CNTNAP2: variants seen among roughly 807,000 people sequenced by gnomAD.
CNTNAP2 encodes contactin-associated protein-like 2.
In CNTNAP2, 98 loss-of-function variants were observed where a neutral mutation model predicts 155.2. That is an observed-to-expected ratio of 0.63 (90% CI 0.54 to 0.75). The LOEUF (loss-of-function observed/expected upper bound fraction) is 0.75, where lower values mean the gene tolerates loss of function less well. Among genes scored for constraint, CNTNAP2 ranks in the 30% least tolerant of loss-of-function variants. The pLI, the probability that CNTNAP2 is intolerant of heterozygous loss-of-function variation, is 0.00. For missense variants in CNTNAP2, 1,727 were observed against 1,688.1 expected, an observed-to-expected ratio of 1.02 and a Z score of -0.40; for synonymous variants, 651 against 631.2, an observed-to-expected ratio of 1.03 and a Z score of -0.47.
intron 9 of CNTNAP2, among the ~76,000 whole-genome samples, chr7:147,383,796 C>T (rs1034644489): frequency 1.3e-5 from 2 of 151,816 alleles, no homozygotes; most frequent in African/African-American, 4.8e-5. Flanking sequence ...AAATAAAAAT[C>T]GTTTATGAAT....
intron 1 of CNTNAP2, among the ~76,000 whole-genome samples, chr7:146,727,672 G>C (rs1159416872): frequency 6.6e-6 from 1 of 152,120 alleles, no homozygotes; most frequent in Non-Finnish European, 1.5e-5. Context: ...TTTTCAGGCC[G>C]TTTTGGTATT....
intron 3 of CNTNAP2, among the ~76,000 whole-genome samples, chr7:146,933,083 A>G (rs1216830034): frequency 1.3e-5 from 2 of 152,146 alleles, no homozygotes; most frequent in East Asian, 1.9e-4. Flanking sequence ...ATTGGAAAAA[A>G]CTACTTTAAA....
intron 3 of CNTNAP2, among the ~76,000 whole-genome samples, chr7:146,962,210 C>A (rs988690825): frequency 2.3e-4 from 35 of 152,056 alleles, no homozygotes; most frequent in African/African-American, 8.2e-4. Flanking sequence ...TTAAGAGCTT[C>A]CAAAACAGTA....
chr7:146,303,661 C>T (rs1190813797), intron 1 of CNTNAP2, among the ~76,000 whole-genome samples: 7 of 152,092 alleles, frequency 4.6e-5, no homozygotes, highest in East Asian at 1.9e-4. Flanking sequence ...TGTTCTTTTA[C>T]ATTTGCTTAG....
chr7:146,670,677 G>A (rs1800287406), intron 1 of CNTNAP2, among the ~76,000 whole-genome samples: 1 of 152,098 alleles, frequency 6.6e-6, no homozygotes, highest in Non-Finnish European at 1.5e-5. Flanking sequence ...ACATGTCTAT[G>A]TTGATCCCAT....
chr7:147,597,123 T>C (rs1290282142), intron 12 of CNTNAP2, among the ~76,000 whole-genome samples: 1 of 152,160 alleles, frequency 6.6e-6, no homozygotes, highest in African/African-American at 2.4e-5. Flanking sequence ...CCCTATGGAG[T>C]AGCCATTTTT....
At chr7:147,407,220 G>A (rs772667877) in intron 10 of CNTNAP2, among the ~76,000 whole-genome samples, 9 of 152,074 alleles carry the variant, frequency 5.9e-5, no homozygotes, top group Non-Finnish European at 1.2e-4. Flanking sequence ...TGTGATCCCA[G>A]CACTTTGGGA....
chr7:146,605,087 C>T (rs11463361), intron 1 of CNTNAP2, among the ~76,000 whole-genome samples: 70,192 of 143,932 alleles, frequency 0.49, 18,217 homozygotes, highest in Non-Finnish European at 0.57. Context: ...AAAAAAACAA[C>T]AAAAAAAAAA....
At chr7:147,131,347 T>C (rs892991033) in intron 7 of CNTNAP2, among the ~76,000 whole-genome samples, 4 of 151,922 alleles carry the variant, frequency 2.6e-5, no homozygotes, top group Admixed American at 2.0e-4. Flanking sequence ...ATTACATTCC[T>C]TAAAATATTA....
chr7:147,423,342 G>A (rs1467551970), intron 10 of CNTNAP2, among the ~76,000 whole-genome samples: 2 of 152,154 alleles, frequency 1.3e-5, no homozygotes, highest in African/African-American at 2.4e-5. Context: ...CGGCCATGCA[G>A]TAATTTATAT....
chr7:147,534,166 T>C (rs1475013369), intron 11 of CNTNAP2, among the ~76,000 whole-genome samples: 2 of 152,088 alleles, frequency 1.3e-5, no homozygotes, highest in African/African-American at 4.8e-5. Flanking sequence ...CCTAGAGACA[T>C]TTGTGATTGT....
intron 8 of CNTNAP2, among the ~76,000 whole-genome samples, chr7:147,170,511 G>T (rs2116475043): frequency 6.6e-6 from 1 of 152,238 alleles, no homozygotes; most frequent in South Asian, 2.1e-4. Context: ...CCCTTACTGG[G>T]CCAGCTCTGT....
chr7:146,496,514 A>C (rs1037089980), intron 1 of CNTNAP2, among the ~76,000 whole-genome samples: 12 of 152,354 alleles, frequency 7.9e-5, no homozygotes, highest in African/African-American at 2.9e-4. Context: ...AGAATAAAAT[A>C]GCACAAATTA....
intron 10 of CNTNAP2, among the ~76,000 whole-genome samples, chr7:147,402,333 C>T (rs1036765972): frequency 6.6e-6 from 1 of 152,312 alleles, no homozygotes; most frequent in East Asian, 1.9e-4. Flanking sequence ...TGAGAGTCCC[C>T]AGCCTGGTCG....
intron 1 of CNTNAP2, among the ~76,000 whole-genome samples, chr7:146,178,119 C>T (rs1430535151): frequency 1.3e-5 from 2 of 152,128 alleles, no homozygotes; most frequent in Non-Finnish European, 2.9e-5. Flanking sequence ...CTGCAAGCTC[C>T]ACCTCCTGGG....
At chr7:146,810,302 T>TC (rs1398584652) in intron 2 of CNTNAP2, among the ~76,000 whole-genome samples, 1 of 150,716 alleles carries the variant, frequency 6.6e-6, no homozygotes, top group Non-Finnish European at 1.5e-5. Context: ...TAGCTTTCTT[T>TC]TTTTTTTTTT....
chr7:147,952,233 G>A (rs7791347), intron 14 of CNTNAP2, among the ~76,000 whole-genome samples: 32,324 of 47,170 alleles, frequency 0.69, 12,901 homozygotes, highest in East Asian at 0.85. Context: ...ACCTGAGGTT[G>A]GGAGTTTGAG....
intron 10 of CNTNAP2, among the ~76,000 whole-genome samples, chr7:147,453,788 A>G (rs1797873911): frequency 6.6e-6 from 1 of 151,956 alleles, no homozygotes; most frequent in South Asian, 2.1e-4. Context: ...CTTAAAAGCT[A>G]AAAAAAAGAA....
intron 3 of CNTNAP2, among the ~76,000 whole-genome samples, chr7:146,960,180 G>A (rs1052223276): frequency 6.6e-6 from 1 of 152,132 alleles, no homozygotes; most frequent in Non-Finnish European, 1.5e-5. Flanking sequence ...AAAAAAATAA[G>A]TTTCTTTTTC....
Sources: allele counts gnomAD v4.1 joint callset (sites outside exome capture counted in the v4.1 genomes callset), GRCh38; gene constraint gnomAD v4.1.1; transcripts MANE v1.5; gene names NCBI Gene and HGNC (gene_info 2026-07-23, HGNC 2026-07-21).